The following NNT variants were observed in gnomAD, a reference collection of about 807,000 sequenced individuals.
NNT encodes the protein nicotinamide nucleotide transhydrogenase, also known as NAD(P) transhydrogenase, mitochondrial.
A neutral mutation model predicts 104.8 loss-of-function variants in NNT; 50 were observed. The ratio of observed to expected loss-of-function variants is 0.48; its 90% CI spans 0.38 to 0.60. The LOEUF (loss-of-function observed/expected upper bound fraction) is 0.60. NNT is among the 20% of genes least tolerant of loss of function. NNT has a pLI of 0.00. For synonymous variants in NNT, 461 were observed against 490.4 expected (o/e 0.94, Z 0.79); for missense variants, 1,131 against 1,330.7 (o/e 0.85, Z 2.33).
chr5:43,649,037 G>C, intron 10 of NNT, 110 bp from the exon 11 acceptor site: 1 of 1,227,000 alleles, frequency 8.1e-7, no homozygotes, highest in Non-Finnish European at 1.2e-6. Context: ...TACTGGCAAG[G>C]GAGTGGAATT....
rs995866055 is a variant in NNT at position 43,707,376 on chromosome 5, AATAC to A, written c.*2979_*2982del. ...ACTTAAAAATATGTTATACACAATA[AATAC>A]ATACATTAAAAAATAAGTAAATGTA... On this transcript the variant is annotated 3_prime_UTR_variant, in exon 22 of 22. Coordinates refer to ENST00000344920, the MANE Select transcript of NNT (RefSeq NM_182977.3). 6 of 152,162 alleles carry A rather than the reference AATAC, an allele frequency of 3.9e-5. No homozygotes were observed. Among genetic ancestry groups the A allele is most frequent in the African/African-American group, 1.2e-4 (5 of 41,446 alleles). 9.4% of individuals were successfully genotyped at this position (152,162 alleles called of 1,614,324 possible).
Position 43,613,102 on chromosome 5 carries a change from G to A in NNT, c.346G>A (p.Ala116Thr). 6.2e-7 allele frequency: 1 copy of A among 1,613,974 alleles called. No individual in the cohort carries two copies. Among genetic ancestry groups the A allele is most frequent in the Non-Finnish European group, 8.5e-7 (1 of 1,179,916 alleles). ...AGTGGCAGGTGCCCAAATCCAAGGG[G>A]CAAAGGAAGTGCTGGCTTCTGATTT... The part of the protein sequence containing the change: ...YRVAGAQIQG[A>T]KEVLASDLVV... Residue 116 changes from alanine (A) to threonine (T), a missense_variant, in exon 3 of 22, where the codon GCA becomes ACA. Coordinates refer to ENST00000344920, the MANE Select transcript of NNT (RefSeq NM_182977.3).
rs141195671 is a variant in NNT, at chr5:43,636,418, A to G, written c.965-7774A>G. Among the ~76,000 whole-genome samples, 743 of 152,308 alleles carry G rather than the reference A, an allele frequency of 4.9e-3. 7 individuals carry two copies. Among genetic ancestry groups the G allele is most frequent in the African/African-American group, 0.016 (648 of 41,568 alleles). On this transcript the variant is annotated intron_variant, in intron 7 of 21. Transcript: ENST00000344920. The stretch of plus-strand genomic sequence containing the variant: ...GGCATGGGTTTCCCTGGGGAGAAAC[A>G]TGACTTAATTGTTTTTGATATGAAT...
At chr5:43,659,376 A>G (rs768105794) in intron 17 of NNT, 26 bp downstream of exon 17, 4 of 1,562,548 alleles carry the variant, frequency 2.6e-6, no homozygotes, top group Non-Finnish European at 2.6e-6. Context: ...TACATGAAAC[A>G]AAAGGAAATG....
intron 17 of NNT, among the ~76,000 whole-genome samples, chr5:43,665,508 C>G (rs1186188787): frequency 6.6e-6 from 1 of 152,104 alleles, no homozygotes; most frequent in Non-Finnish European, 1.5e-5. Context: ...CCATTTAACC[C>G]TTAGTGGACA....
intron 19 of NNT, among the ~76,000 whole-genome samples, chr5:43,687,273 A>G (rs1056543296): frequency 1.3e-5 from 2 of 152,148 alleles, no homozygotes; most frequent in African/African-American, 4.8e-5. Context: ...GAATCTTGTC[A>G]TGGTCAGGGA....
intron 5 of NNT, 109 bp from the exon 6 acceptor site, chr5:43,623,923 C>G (rs937312840): frequency 9.2e-6 from 9 of 981,382 alleles, no homozygotes; most frequent in Non-Finnish European, 1.5e-5. Flanking sequence ...CCATCTGCAC[C>G]GCCATTTATT....
chr5:43,686,560 A>T (rs1035498040), intron 19 of NNT, among the ~76,000 whole-genome samples: 1 of 152,232 alleles, frequency 6.6e-6, no homozygotes, highest in Non-Finnish European at 1.5e-5. Context: ...GCATTACAAG[A>T]TAAAAATTAG....
At chr5:43,690,980 T>G (rs1291080595) in intron 19 of NNT, among the ~76,000 whole-genome samples, 1 of 152,230 alleles carries the variant, frequency 6.6e-6, no homozygotes, top group Non-Finnish European at 1.5e-5. Context: ...TCTGTGCAAA[T>G]AAGAAATATT....
intron 1 of NNT, among the ~76,000 whole-genome samples, chr5:43,606,577 A>G (rs1749235715): frequency 6.6e-6 from 1 of 152,202 alleles, no homozygotes; most frequent in Admixed American, 6.5e-5. Flanking sequence ...ATAATTATTC[A>G]TACATATTTT....
At chr5:43,669,712 T>A (rs1294435448) in intron 17 of NNT, among the ~76,000 whole-genome samples, 1 of 152,246 alleles carries the variant, frequency 6.6e-6, no homozygotes, top group Non-Finnish European at 1.5e-5. Flanking sequence ...TTTGCATCGA[T>A]GTTCATCGAG....
chr5:43,665,237 A>T (rs1296980632), intron 17 of NNT, among the ~76,000 whole-genome samples: 5,107 of 147,140 alleles, frequency 0.035, 223 homozygotes, highest in African/African-American at 0.1. Context: ...TATTATTATT[A>T]TTATTTTTTA....
chr5:43,641,159 T>C (rs1369477315), intron 7 of NNT, among the ~76,000 whole-genome samples: 1 of 152,250 alleles, frequency 6.6e-6, no homozygotes, highest in East Asian at 1.9e-4. Context: ...TATACTTTAT[T>C]ATATTAGGCT....
intron 6 of NNT, among the ~76,000 whole-genome samples, 167 bp downstream of exon 6, chr5:43,624,287 T>C (rs371465696): frequency 6.6e-6 from 1 of 152,354 alleles, no homozygotes; most frequent in African/African-American, 2.4e-5. Flanking sequence ...AAAGTGAAAA[T>C]GTATTACTTA....
At chr5:43,651,711 T>A (rs751289819) in intron 12 of NNT, 28 bp from the exon 13 acceptor site, 1 of 1,612,952 alleles carries the variant, frequency 6.2e-7, no homozygotes, top group Non-Finnish European at 8.5e-7. Flanking sequence ...AGAGGTACTA[T>A]GTTTTTTATT....
intron 4 of NNT, among the ~76,000 whole-genome samples, chr5:43,616,572 C>A (rs1408836384): frequency 6.6e-6 from 1 of 152,134 alleles, no homozygotes; most frequent in African/African-American, 2.4e-5. Flanking sequence ...TGTCAAAACC[C>A]ATATTGATAA....
At chr5:43,638,552 C>G (rs1020521959) in intron 7 of NNT, among the ~76,000 whole-genome samples, 7 of 151,884 alleles carry the variant, frequency 4.6e-5, no homozygotes, top group Non-Finnish European at 8.8e-5. Flanking sequence ...CTGCCTAGTA[C>G]TTGTTCATGA....
chr5:43,608,823 A>G lies in NNT; in HGVS notation c.-53-320A>G, dbSNP rs975121565. Among the ~76,000 whole-genome samples, 28 of 152,330 alleles carry G rather than the reference A, an allele frequency of 1.8e-4. No individual in the cohort carries two copies. In the East Asian group the frequency reaches 3.9e-3, roughly 21 times the overall value. On this transcript the variant is annotated intron_variant, in intron 1 of 21. Coordinates refer to ENST00000344920, the MANE Select transcript of NNT (RefSeq NM_182977.3). ...GTAAGATACAACTTGATTCTGTAGC[A>G]ATATGTGTGTGTATTAAAGCTTTCT...
intron 2 of NNT, among the ~76,000 whole-genome samples, chr5:43,612,098 TGATG>T (rs770698516): frequency 1.2e-4 from 18 of 152,236 alleles, no homozygotes; most frequent in Non-Finnish European, 2.4e-4. Flanking sequence ...TATCTACTAC[TGATG>T]TTTCTATCAC....
Sources: gnomAD v4.1 joint callset for allele counts (sites outside exome capture counted in the v4.1 genomes callset) on GRCh38, gnomAD v4.1.1 for gene constraint, MANE v1.5 for transcripts, NCBI Gene and HGNC (gene_info 2026-07-23, HGNC 2026-07-21) for gene names.